The following PPAT variants were observed in gnomAD, a reference collection of about 807,000 sequenced individuals.
The protein encoded by PPAT is amidophosphoribosyltransferase.
In PPAT, 20 loss-of-function variants were observed where a neutral mutation model predicts 60.2. That is an observed-to-expected ratio of 0.33 (90% CI 0.23 to 0.48). The LOEUF (loss-of-function observed/expected upper bound fraction) is 0.48, where lower values mean the gene tolerates loss of function less well. PPAT is among the 20% of genes least tolerant of loss of function. The probability of loss-of-function intolerance (pLI) is 0.99; values close to 1 mark genes in which losing one functional copy is unlikely to be tolerated. For missense variants in PPAT, 349 were observed against 629.6 expected (o/e 0.55, Z 4.77); for synonymous variants, 194 against 215.1 (o/e 0.90, Z 0.86).
chr4:56,403,417 G>A lies in PPAT; in HGVS notation c.403-16C>T. On this transcript the variant is annotated splice_polypyrimidine_tract_variant and intron_variant, in intron 3 of 10. Transcript: ENST00000264220. ...GACGCAGAAGCTATATAGAAAAAAA[G>A]AGAAGTTTAATCATCAGAGGGGAAG... 1.3e-6 allele frequency: 2 copies of A among 1,574,336 alleles called. No homozygotes were observed. The highest frequency in any genetic ancestry group is 3.3e-4 in the Middle Eastern group (2 of 5,986).
rs1309575912 is a variant in PPAT at position 56,406,411 on chromosome 4, C to T, written c.402+84G>A. On this transcript the variant is annotated intron_variant, in intron 3 of 10. Transcript: ENST00000264220. ...ACAGGTAGCAACAATTAGAAAATGC[C>T]CTTTACAAAGATCCTTAACTTTTAT... is the stretch of plus-strand genomic sequence containing the variant. 5.7e-6 allele frequency: 8 copies of T among 1,405,622 alleles called. No individual in the cohort carries two copies. The Admixed American group carries it at 7.2e-5, about 13-fold the overall frequency. The allele number at this position is 1,405,622 out of a possible 1,614,324, so 87.1% of individuals were successfully genotyped here.
chr4:56,427,935 A>C (rs969895098), intron 1 of PPAT, among the ~76,000 whole-genome samples: 1 of 152,246 alleles, frequency 6.6e-6, no homozygotes, highest in Non-Finnish European at 1.5e-5. Flanking sequence ...TAGAGAAAGA[A>C]GGAAAATGTC....
intron 5 of PPAT, among the ~76,000 whole-genome samples, chr4:56,402,606 C>T (rs1429651237): frequency 6.6e-6 from 1 of 151,966 alleles, no homozygotes; most frequent in Non-Finnish European, 1.5e-5. Flanking sequence ...CACCTGAGGT[C>T]AGGAGTTTGA....
intron 1 of PPAT, chr4:56,410,895 A>G: frequency 1.6e-6 from 1 of 612,848 alleles, no homozygotes; most frequent in Non-Finnish European, 1.9e-6. Context: ...GAGACCACTG[A>G]AGGTAAAAAA....
intron 1 of PPAT, among the ~76,000 whole-genome samples, chr4:56,413,788 T>C (rs1000389708): frequency 1.3e-5 from 2 of 152,012 alleles, no homozygotes; most frequent in Admixed American, 6.5e-5. Context: ...TCCCAGCTAC[T>C]TGGGAGGCTG....
intron 1 of PPAT, among the ~76,000 whole-genome samples, chr4:56,415,902 T>C (rs1716705391): frequency 6.6e-6 from 1 of 152,018 alleles, no homozygotes; most frequent in Non-Finnish European, 1.5e-5. Context: ...AAACCTCGTG[T>C]CTACTAAAAA....
chr4:56,420,651 C>A (rs1463567886), intron 1 of PPAT: 1 of 152,028 alleles, frequency 6.6e-6, no homozygotes, highest in East Asian at 1.9e-4. Context: ...AAATATGCAA[C>A]CCCAGATGGC....
intron 3 of PPAT, among the ~76,000 whole-genome samples, chr4:56,405,852 A>G (rs1716228398): frequency 6.6e-6 from 1 of 152,214 alleles, no homozygotes; most frequent in South Asian, 2.1e-4. Flanking sequence ...AGGTAGTGCT[A>G]GGGCTGTTGC....
At chr4:56,404,583 CTAGG>C (rs1327689135) in intron 3 of PPAT, among the ~76,000 whole-genome samples, 1 of 142,688 alleles carries the variant, frequency 7.0e-6, no homozygotes, top group African/African-American at 2.6e-5. Flanking sequence ...AGTTTAGCAT[CTAGG>C]TAAGTCATTA....
chr4:56,418,725 A>G (rs1716896945), intron 1 of PPAT, among the ~76,000 whole-genome samples: 1 of 152,214 alleles, frequency 6.6e-6, no homozygotes, highest in African/African-American at 2.4e-5. Flanking sequence ...CAGAAAATGA[A>G]CCTACTTCTT....
intron 1 of PPAT, among the ~76,000 whole-genome samples, chr4:56,432,005 A>G (rs888512118): frequency 6.6e-6 from 1 of 152,222 alleles, no homozygotes; most frequent in African/African-American, 2.4e-5. Flanking sequence ...GAACTACTAA[A>G]AACGGGGAGT....
In PPAT at chr4:56,433,744, G is replaced by C. The variant is rs551727172; in HGVS notation, c.128+1606C>G. On this transcript the variant is annotated intron_variant, in intron 1 of 10. Coordinates refer to ENST00000264220, the MANE Select transcript of PPAT (RefSeq NM_002703.5). ...GAGTCTCGCTCTGTCGCCCAGGCTG[G>C]AGTGCAGTGGCGTGATCTCTGCTCT... Among the ~76,000 whole-genome samples, 5 of 151,916 alleles carry C rather than the reference G, an allele frequency of 3.3e-5. No homozygotes were observed. The South Asian group carries it at 8.3e-4, about 25-fold the overall frequency.
chr4:56,404,145 G>A, intron 3 of PPAT: 1 of 360,660 alleles, frequency 2.8e-6, no homozygotes, highest in South Asian at 2.1e-5. Flanking sequence ...CAGGAAAAAT[G>A]TGCTTTATGA....
Position 56,403,386 on chromosome 4 carries a change from T to C in PPAT, c.418A>G (p.Ile140Val). The C allele has an allele frequency of 6.2e-7, 1 of 1,612,802 alleles. No individual in the cohort carries two copies. The highest frequency in any genetic ancestry group is 8.5e-7 in the Non-Finnish European group (1 of 1,179,012). ...RLRKKLLRHG[I>V]GLSTSSDSEM... ...CTATCAGAACTTGTAGACAGACCAA[T>C]ACCATGACGCAGAAGCTATATAGAA... Residue 140 changes from isoleucine (I) to valine (V), a missense_variant, in exon 4 of 11, where the codon ATT becomes GTT. Ile to Val is a conservative substitution (Grantham distance 29, BLOSUM62 3). Coordinates refer to ENST00000264220, the MANE Select transcript of PPAT (RefSeq NM_002703.5).
Position 56,407,650 on chromosome 4 carries a change from C to T in PPAT, c.195G>A (p.Lys65=). Residue 65 remains lysine, a splice_region_variant and synonymous_variant, in exon 2 of 11, where the codon AAG becomes AAA. Coordinates refer to ENST00000264220, the MANE Select transcript of PPAT (RefSeq NM_002703.5). ...GSSVPTFKSH[K]GMGLVNHVFT... is the part of the protein sequence containing the mutation. ...AACATTTCTTAAAGTTCAAATTTACCTTGTGTGATTTGAATGTTGGCACCG... is the reference window on the plus strand; with the variant it reads ...AACATTTCTTAAAGTTCAAATTTACTTTGTGTGATTTGAATGTTGGCACCG... The T allele has an allele frequency of 6.3e-7, 1 of 1,596,260 alleles. No homozygotes were observed. Among genetic ancestry groups the T allele is most frequent in the Non-Finnish European group, 8.6e-7 (1 of 1,163,560 alleles).
chr4:56,410,517 T>C, intron 1 of PPAT: 1 of 986,310 alleles, frequency 1.0e-6, no homozygotes, highest in Non-Finnish European at 1.2e-6. Context: ...ACTTTCAACA[T>C]GGAGAGTGGA....
At chr4:56,435,313 A>T in intron 1 of PPAT, 37 bp downstream of exon 1, 2 of 1,610,614 alleles carry the variant, frequency 1.2e-6, no homozygotes, top group Non-Finnish European at 1.7e-6. Flanking sequence ...CGAGAGATGG[A>T]GACGCACGCC....
At chr4:56,397,153 C>G (rs2110036512) in intron 9 of PPAT, among the ~76,000 whole-genome samples, 1 of 152,076 alleles carries the variant, frequency 6.6e-6, no homozygotes, top group South Asian at 2.1e-4. Flanking sequence ...GTCCACATTT[C>G]CTTTTTAAAC....
At chr4:56,425,782 C>T (rs1472339640) in intron 1 of PPAT, among the ~76,000 whole-genome samples, 1 of 152,152 alleles carries the variant, frequency 6.6e-6, no homozygotes, top group Non-Finnish European at 1.5e-5. Flanking sequence ...GAGAGTGGGG[C>T]TGGAGGTTGA....
Sources: allele counts gnomAD v4.1 joint callset (sites outside exome capture counted in the v4.1 genomes callset), GRCh38; gene constraint gnomAD v4.1.1; transcripts MANE v1.5; gene names NCBI Gene and HGNC (gene_info 2026-07-23, HGNC 2026-07-21).